PRKG1: variants seen among roughly 807,000 people sequenced by gnomAD.
PRKG1 encodes cGMP-dependent protein kinase 1.
PRKG1 carries 35 observed loss-of-function variants against 88.1 expected under a neutral mutation model. The observed-to-expected ratio is 0.40, with a 90% CI of 0.30 to 0.53. The LOEUF (loss-of-function observed/expected upper bound fraction) is 0.53, where lower values mean the gene tolerates loss of function less well. PRKG1 is among the 20% of genes least tolerant of loss of function. The pLI, the probability that PRKG1 is intolerant of heterozygous loss-of-function variation, is 0.59. For synonymous variants in PRKG1, 303 were observed against 292.5 expected (o/e 1.04, Z -0.37); for missense variants, 540 against 839.8 (o/e 0.64, Z 4.41).
intron 3 of PRKG1, among the ~76,000 whole-genome samples, chr10:51,496,562 T>C (rs1183219345): frequency 1.3e-5 from 2 of 152,154 alleles, no homozygotes; most frequent in Non-Finnish European, 2.9e-5. Context: ...GAAAAGTAGA[T>C]AACATTTAAT....
intron 2 of PRKG1, among the ~76,000 whole-genome samples, chr10:51,168,735 C>A (rs1047126573): frequency 6.6e-6 from 1 of 152,124 alleles, no homozygotes; most frequent in Admixed American, 6.5e-5. Flanking sequence ...ATATCTAGAA[C>A]CGTGTTACAA....
chr10:51,276,586 G>T (rs1458947332), intron 2 of PRKG1, among the ~76,000 whole-genome samples: 1 of 152,112 alleles, frequency 6.6e-6, no homozygotes, highest in African/African-American at 2.4e-5. Flanking sequence ...CACCAACAGT[G>T]TAAAAGTGTT....
chr10:52,131,593 T>A (rs969802420), intron 7 of PRKG1, among the ~76,000 whole-genome samples: 2 of 151,862 alleles, frequency 1.3e-5, no homozygotes, highest in Non-Finnish European at 2.9e-5. Context: ...ACACTTGTAA[T>A]CTCAGCACTT....
At chr10:51,706,182 A>C (rs1841599426) in intron 3 of PRKG1, among the ~76,000 whole-genome samples, 1 of 152,238 alleles carries the variant, frequency 6.6e-6, no homozygotes, top group South Asian at 2.1e-4. Context: ...TTTTTCCATA[A>C]AATGAAAGAG....
In PRKG1 at chr10:51,481,141, A is replaced by G. The variant is rs958555863; in HGVS notation, c.592+13305A>G. Among the ~76,000 whole-genome samples the G allele has an allele frequency of 3.3e-5, 5 of 152,038 alleles. No individual in the cohort carries two copies. In the East Asian group the frequency reaches 9.7e-4, roughly 29 times the overall value. ...AAAGAAAAATGAAGGAACTTTGACT[A>G]TTTCTTTAGCATGAGGCTATTTTAC... On this transcript the variant is annotated intron_variant, in intron 3 of 17. Transcript: ENST00000373980.
At chr10:51,453,359 GT>G (rs1458865281) in intron 2 of PRKG1, among the ~76,000 whole-genome samples, 1 of 151,870 alleles carries the variant, frequency 6.6e-6, no homozygotes, top group African/African-American at 2.4e-5. Flanking sequence ...CTGGATTTGG[GT>G]TTGGTTTGTT....
At chr10:51,496,835 C>A (rs1272609806) in intron 3 of PRKG1, among the ~76,000 whole-genome samples, 1 of 152,162 alleles carries the variant, frequency 6.6e-6, no homozygotes, top group Non-Finnish European at 1.5e-5. Context: ...CACTTTGAAG[C>A]TATATTCTGA....
At position 51,763,747 on chromosome 10, in the gene PRKG1, AAG is replaced by A. The variant is rs201579239; in HGVS notation, c.593-40837_593-40836del. On this transcript the variant is annotated intron_variant, in intron 3 of 17. Transcript: ENST00000373980. ...CTGAAACTGGATAATTTAGAAAAAA[AAG>A]GAATTTATTTCTTACAGTTCTGGAG... 2.9e-3 allele frequency among the ~76,000 whole-genome samples: 443 copies of A among 152,264 alleles called. 3 individuals carry two copies. The highest frequency in any genetic ancestry group is 0.01 in the African/African-American group (416 of 41,544).
chr10:51,680,305 C>T (rs1840820341), intron 3 of PRKG1, among the ~76,000 whole-genome samples: 1 of 151,906 alleles, frequency 6.6e-6, no homozygotes, highest in South Asian at 2.1e-4. Context: ...AAAAAGAATA[C>T]TTAAACCCCA....
chr10:52,170,835 A>T (rs1838649008), intron 9 of PRKG1, among the ~76,000 whole-genome samples: 1 of 151,628 alleles, frequency 6.6e-6, no homozygotes, highest in Admixed American at 6.6e-5. Context: ...AGCAGAGACA[A>T]CCCTTTAGTA....
chr10:51,228,312 G>A (rs1838746745), intron 2 of PRKG1, among the ~76,000 whole-genome samples: 1 of 152,208 alleles, frequency 6.6e-6, no homozygotes, highest in Admixed American at 6.5e-5. Flanking sequence ...TATGGGGCAA[G>A]TGACAGGTCT....
At chr10:51,837,952 C>T (rs1364133656) in intron 4 of PRKG1, among the ~76,000 whole-genome samples, 1 of 152,062 alleles carries the variant, frequency 6.6e-6, no homozygotes, top group Non-Finnish European at 1.5e-5. Context: ...TTGCTGCATC[C>T]ATTGTTCGTC....
At chr10:51,349,791 A>G (rs1842200950) in intron 2 of PRKG1, among the ~76,000 whole-genome samples, 1 of 151,932 alleles carries the variant, frequency 6.6e-6, no homozygotes, top group African/African-American at 2.4e-5. Context: ...ACAGATGTGA[A>G]CCACATACAG....
intron 10 of PRKG1, among the ~76,000 whole-genome samples, chr10:52,262,973 C>T (rs550657313): frequency 1.3e-5 from 2 of 152,136 alleles, no homozygotes; most frequent in East Asian, 3.9e-4. Flanking sequence ...TATTTTCAAT[C>T]CTTGGTTGTT....
At chr10:51,593,831 T>C (rs1490068433) in intron 3 of PRKG1, among the ~76,000 whole-genome samples, 3 of 152,040 alleles carry the variant, frequency 2.0e-5, no homozygotes, top group Non-Finnish European at 4.4e-5. Flanking sequence ...TTCAAGTGAT[T>C]CTCCTGCCTC....
At chr10:52,089,804 C>CCTT (rs1847005473) in intron 7 of PRKG1, among the ~76,000 whole-genome samples, 2 of 67,722 alleles carry the variant, frequency 3.0e-5, no homozygotes, top group Admixed American at 4.9e-4. Context: ...TTCTTTCCTT[C>CCTT]TTTTTTTTTT....
At chr10:51,698,111 G>A in intron 3 of PRKG1, 1 of 1,614,004 alleles carries the variant, frequency 6.2e-7, no homozygotes, top group Non-Finnish European at 8.5e-7. Context: ...TATATTAATG[G>A]GACCAGGACC....
At chr10:51,683,743 T>C (rs1415022218) in intron 3 of PRKG1, among the ~76,000 whole-genome samples, 2 of 152,088 alleles carry the variant, frequency 1.3e-5, no homozygotes, top group Non-Finnish European at 2.9e-5. Flanking sequence ...CAACCCTCAG[T>C]CTGAAAACTT....
intron 2 of PRKG1, among the ~76,000 whole-genome samples, chr10:51,418,631 C>T (rs934812337): frequency 1.2e-4 from 19 of 152,120 alleles, no homozygotes; most frequent in Admixed American, 4.6e-4. Flanking sequence ...ACTAATGCAA[C>T]GAATGAATGA....
Sources: allele counts gnomAD v4.1 joint callset (sites outside exome capture counted in the v4.1 genomes callset), GRCh38; gene constraint gnomAD v4.1.1; transcripts MANE v1.5; gene names NCBI Gene and HGNC (gene_info 2026-07-23, HGNC 2026-07-21).